Variants in PPIL3 observed in about 807,000 individuals in gnomAD.
PPIL3 encodes peptidyl-prolyl cis-trans isomerase-like 3.
In PPIL3, 13 loss-of-function variants were observed where a neutral mutation model predicts 20.9. The ratio of observed to expected loss-of-function variants is 0.62; its 90% CI spans 0.40 to 0.99. The LOEUF (loss-of-function observed/expected upper bound fraction) is 0.99. Ranked by LOEUF, PPIL3 falls within the 50% of genes least tolerant of loss-of-function variation. The pLI, the probability that PPIL3 is intolerant of heterozygous loss-of-function variation, is 0.00. For missense variants in PPIL3, 170 were observed against 195.2 expected (o/e 0.87, Z 0.77); for synonymous variants, 71 against 64.4 (o/e 1.10, Z -0.49).
chr2:200,879,627 G>A (rs2039646834), intron 5 of PPIL3, among the ~76,000 whole-genome samples: 1 of 152,154 alleles, frequency 6.6e-6, no homozygotes, highest in Non-Finnish European at 1.5e-5. Context: ...CTTAGTCCAG[G>A]AGTTTCAGAC....
chr2:200,887,499 A>T, intron 2 of PPIL3, 114 bp downstream of exon 2: 1 of 671,994 alleles, frequency 1.5e-6, no homozygotes, highest in Non-Finnish European at 2.5e-6. Context: ...CTTCTATATT[A>T]TACAATTTCT....
chr2:200,871,786 TAC>T (rs1482353477), intron 6 of PPIL3, among the ~76,000 whole-genome samples: 1 of 152,190 alleles, frequency 6.6e-6, no homozygotes, highest in East Asian at 1.9e-4. Flanking sequence ...ACCCCATTCA[TAC>T]AGTGACAGAG....
chr2:200,882,141 G>C (rs544683287), intron 4 of PPIL3, among the ~76,000 whole-genome samples: 1 of 152,260 alleles, frequency 6.6e-6, no homozygotes, highest in East Asian at 1.9e-4. Context: ...AAAACCTAGA[G>C]GACAGGCTGA....
rs1037287207 is a variant in PPIL3 at position 200,887,779 on chromosome 2, G to A, written c.-70-94C>T. ...GAACATTTTAAATAAAAACCTCGCC[G>A]GGCGTGGTGGCTCACGCCTATAATC... On this transcript the variant is annotated intron_variant, in intron 1 of 6. Transcript: ENST00000392283. The A allele has an allele frequency of 2.2e-5, 11 of 502,152 alleles. No homozygotes were observed. In the South Asian group the frequency reaches 2.4e-4, roughly 11 times the overall value. 31.1% of individuals were successfully genotyped at this position (502,152 alleles called of 1,614,324 possible). A position where few individuals can be genotyped will look rare whatever the true frequency, so the allele number is the denominator to read the frequency against.
At position 200,879,401 on chromosome 2, in the gene PPIL3, G is replaced by A. The variant is rs375147176; in HGVS notation, c.240+2020C>T. Among the ~76,000 whole-genome samples, 3 of 152,042 alleles carry A rather than the reference G, an allele frequency of 2.0e-5. No individual in the cohort carries two copies. The East Asian group carries it at 5.8e-4, about 29-fold the overall frequency. On this transcript the variant is annotated intron_variant, in intron 5 of 6. Transcript: ENST00000392283. ...CCCAAAGTGCTGGGATTACAGGTGT[G>A]AGCCACCGCGCCCGGCCTATATAAT...
upstream of PPIL3, chr2:200,889,085 AAGAG>A (rs1230240094): frequency 2.1e-6 from 1 of 470,222 alleles, no homozygotes; most frequent in Non-Finnish European, 4.4e-6. Flanking sequence ...CGCGGGACCC[AAGAG>A]AGAGAACGCC....
intron 2 of PPIL3, 44 bp from the exon 3 acceptor site, chr2:200,885,816 G>A (rs780909282): frequency 1.3e-5 from 15 of 1,183,288 alleles, no homozygotes; most frequent in Non-Finnish European, 1.9e-5. Context: ...ATTTATTTAG[G>A]TGACTTTATG....
At chr2:200,883,375 T>G (rs2039812015) in intron 3 of PPIL3, among the ~76,000 whole-genome samples, 1 of 152,108 alleles carries the variant, frequency 6.6e-6, no homozygotes, top group African/African-American at 2.4e-5. Context: ...AGTATTAGTT[T>G]ATTGGCTACA....
Position 200,889,035 on chromosome 2 carries a change from G to C in PPIL3, c.-150C>G, listed in dbSNP as rs1466716970. On this transcript the variant is annotated 5_prime_UTR_variant, in exon 1 of 7. Coordinates refer to ENST00000392283, the MANE Select transcript of PPIL3 (RefSeq NM_130906.3). Reference sequence around the variant, plus strand: ...TCGCAGATGCCAGCAGAGGTCTGTTGGTTCAAAATTATAGTTTCTTTGGGC... The same window carrying C: ...TCGCAGATGCCAGCAGAGGTCTGTTCGTTCAAAATTATAGTTTCTTTGGGC... The C allele has an allele frequency of 4.2e-6, 2 of 471,076 alleles. No individual in the cohort carries two copies. The highest frequency in any genetic ancestry group is 3.1e-5 in the South Asian group (2 of 64,576). The allele number at this position is 471,076 out of a possible 1,614,324, so 29.2% of individuals were successfully genotyped here.
chr2:200,880,019 C>T (rs1257306722), intron 5 of PPIL3, among the ~76,000 whole-genome samples: 1 of 152,172 alleles, frequency 6.6e-6, no homozygotes, highest in Non-Finnish European at 1.5e-5. Flanking sequence ...AAAACTAATA[C>T]ATTTCCTTAC....
intron 6 of PPIL3, among the ~76,000 whole-genome samples, chr2:200,873,157 A>G (rs766034519): frequency 6.6e-6 from 1 of 150,906 alleles, no homozygotes; most frequent in Non-Finnish European, 1.5e-5. Context: ...ATGAGCCACC[A>G]AGCCCAGCAG....
upstream of PPIL3, chr2:200,889,167 C>A: frequency 2.5e-6 from 1 of 399,462 alleles, no homozygotes; most frequent in Admixed American, 3.1e-5. Context: ...TGCAATTTAT[C>A]CCCAACCGGA....
At position 200,881,439 on chromosome 2, in the gene PPIL3, T is replaced by C; in HGVS notation, c.222A>G (p.Glu74=). ...GATTTACCTTAAGATATTCACTGTA[T>C]TCATCCTCAAACTTCTTGCCCCAAA... ...NSIWGKKFED[E]YSEYLKHNVR... The change falls in exon 5 of 7, where the codon GAA becomes GAG. Residue 74 remains glutamate, a synonymous_variant. Coordinates refer to ENST00000392283, the MANE Select transcript of PPIL3 (RefSeq NM_130906.3). 6.2e-7 allele frequency: 1 copy of C among 1,613,262 alleles called. No homozygotes were observed. Among genetic ancestry groups the C allele is most frequent in the Non-Finnish European group, 8.5e-7 (1 of 1,179,588 alleles).
chr2:200,871,780 C>T (rs2039314975), intron 6 of PPIL3, among the ~76,000 whole-genome samples: 1 of 152,170 alleles, frequency 6.6e-6, no homozygotes, highest in Non-Finnish European at 1.5e-5. Context: ...TATTCTACCC[C>T]ATTCATACAG....
At chr2:200,871,635 T>C (rs911110359) in intron 6 of PPIL3, 114 bp from the exon 7 acceptor site, 18 of 883,074 alleles carry the variant, frequency 2.0e-5, no homozygotes, top group African/African-American at 5.1e-5. Flanking sequence ...GATCTCTGAG[T>C]TCTCTAGTTG....
At chr2:200,874,735 G>T (rs946286470) in intron 6 of PPIL3, among the ~76,000 whole-genome samples, 1 of 152,056 alleles carries the variant, frequency 6.6e-6, no homozygotes, top group Non-Finnish European at 1.5e-5. Flanking sequence ...TTTTCTCCTT[G>T]ATTATTATTA....
intron 6 of PPIL3, among the ~76,000 whole-genome samples, chr2:200,872,999 G>A (rs1043732961): frequency 2.0e-5 from 3 of 151,544 alleles, no homozygotes; most frequent in Non-Finnish European, 4.4e-5. Flanking sequence ...AGCCTCCCAA[G>A]TAGCTGGGAT....
intron 6 of PPIL3, among the ~76,000 whole-genome samples, chr2:200,871,965 A>G (rs2039319917): frequency 6.6e-6 from 1 of 152,176 alleles, no homozygotes; most frequent in Admixed American, 6.5e-5. Context: ...TTTTAAAGAC[A>G]GGATCTCACT....
intron 5 of PPIL3, among the ~76,000 whole-genome samples, chr2:200,881,179 A>G (rs1258275972): frequency 6.6e-6 from 1 of 152,214 alleles, no homozygotes; most frequent in African/African-American, 2.4e-5. Context: ...ATTTCAGGTT[A>G]GATTCAAAGA....
Sources: gnomAD v4.1 joint callset for allele counts (sites outside exome capture counted in the v4.1 genomes callset) on GRCh38, gnomAD v4.1.1 for gene constraint, MANE v1.5 for transcripts, NCBI Gene and HGNC (gene_info 2026-07-23, HGNC 2026-07-21) for gene names.